Variants in ADGRL2 observed in about 807,000 individuals in gnomAD.
The protein encoded by ADGRL2 is adhesion G protein-coupled receptor L2, also known as calcium-independent alpha-latrotoxin receptor 2.
ADGRL2 carries 44 observed loss-of-function variants against 157.4 expected under a neutral mutation model. The observed-to-expected ratio is 0.28, with a 90% confidence interval of 0.22 to 0.36. The LOEUF (loss-of-function observed/expected upper bound fraction) is 0.36, where lower values mean the gene tolerates loss of function less well. Ranked by LOEUF, ADGRL2 falls within the 10% of genes least tolerant of loss-of-function variation. The pLI is 1.00. For synonymous variants in ADGRL2, 585 were observed against 624.7 expected (o/e 0.94, Z 0.95); for missense variants, 1,510 against 1,768.9 (o/e 0.85, Z 2.63).
At chr1:81,879,459 CT>C (rs1388933780) in intron 2 of ADGRL2, among the ~76,000 whole-genome samples, 2 of 150,684 alleles carry the variant, frequency 1.3e-5, no homozygotes, top group Non-Finnish European at 2.9e-5. Context: ...CTCTTAAGCC[CT>C]TTTTTTAAAG....
At chr1:81,880,197 G>C (rs1373938630) in intron 2 of ADGRL2, among the ~76,000 whole-genome samples, 2 of 152,070 alleles carry the variant, frequency 1.3e-5, no homozygotes, top group African/African-American at 2.4e-5. Flanking sequence ...ATTCCTATAA[G>C]AGCCCTTATT....
intron 2 of ADGRL2, among the ~76,000 whole-genome samples, chr1:81,455,829 C>T (rs755449155): frequency 3.9e-5 from 6 of 152,018 alleles, no homozygotes; most frequent in Non-Finnish European, 8.8e-5. Context: ...TTTAGAAAGA[C>T]TGGAAATAGG....
intron 2 of ADGRL2, among the ~76,000 whole-genome samples, chr1:81,550,480 T>C (rs1328208074): frequency 6.6e-6 from 1 of 152,156 alleles, no homozygotes; most frequent in African/African-American, 2.4e-5. Context: ...GGAAAAATTC[T>C]GTTACAAGCC....
chr1:81,921,389 T>C (rs1384038952), intron 3 of ADGRL2, among the ~76,000 whole-genome samples: 1 of 152,188 alleles, frequency 6.6e-6, no homozygotes, highest in East Asian at 1.9e-4. Context: ...TTAAAATTGC[T>C]TAATAGATTT....
chr1:81,545,006 C>A (rs1016030787), intron 2 of ADGRL2, among the ~76,000 whole-genome samples: 1 of 152,148 alleles, frequency 6.6e-6, no homozygotes, highest in African/African-American at 2.4e-5. Flanking sequence ...ACGACAAAGA[C>A]CCAGGTCACG....
At chr1:81,899,303 G>T (rs1214777145) in intron 2 of ADGRL2, among the ~76,000 whole-genome samples, 1 of 152,116 alleles carries the variant, frequency 6.6e-6, no homozygotes, top group African/African-American at 2.4e-5. Context: ...TATAAGTGAT[G>T]CCAAATTTAA....
At chr1:81,964,307 G>T (rs774645217) in intron 11 of ADGRL2, among the ~76,000 whole-genome samples, 12 of 152,004 alleles carry the variant, frequency 7.9e-5, no homozygotes, top group Non-Finnish European at 1.8e-4. Context: ...ATCCTGTCTT[G>T]TTTTAAGATA....
intron 2 of ADGRL2, among the ~76,000 whole-genome samples, chr1:81,845,060 A>G (rs1246365246): frequency 6.6e-6 from 1 of 152,128 alleles, no homozygotes; most frequent in African/African-American, 2.4e-5. Context: ...CACATACTTC[A>G]TATGGATAAA....
chr1:81,508,817 G>A (rs1032687217), intron 2 of ADGRL2, among the ~76,000 whole-genome samples: 26 of 152,268 alleles, frequency 1.7e-4, no homozygotes, highest in Non-Finnish European at 2.9e-4. Context: ...ATGTGCCCCT[G>A]ACATAACCTT....
At chr1:81,527,893 C>G (rs1424420139) in intron 2 of ADGRL2, among the ~76,000 whole-genome samples, 3 of 151,858 alleles carry the variant, frequency 2.0e-5, no homozygotes, top group African/African-American at 7.3e-5. Context: ...CGGTGAAACC[C>G]CGTCTCTACT....
intron 2 of ADGRL2, among the ~76,000 whole-genome samples, chr1:81,861,763 C>T (rs1422204883): frequency 6.6e-6 from 1 of 151,948 alleles, no homozygotes; most frequent in Non-Finnish European, 1.5e-5. Context: ...GTGGCGCTTG[C>T]CTGTTATCCC....
intron 2 of ADGRL2, among the ~76,000 whole-genome samples, chr1:81,466,466 A>G (rs2078055251): frequency 1.3e-5 from 2 of 152,168 alleles, no homozygotes; most frequent in African/African-American, 2.4e-5. Context: ...TGCCCTGCAC[A>G]TATCCATCAG....
At position 81,722,401 on chromosome 1, in the gene ADGRL2, C is replaced by T. The variant is rs536387875; in HGVS notation, c.-143+22593C>T. On this transcript the variant is annotated intron_variant, in intron 1 of 20. Transcript: ENST00000359929. ...ATGGTGAACTGCAGAAAGCCATTGA[C>T]TTATTCACAAATGCCATTAAGCTGA... 387 of 857,806 alleles carry T rather than the reference C, an allele frequency of 4.5e-4. No homozygotes were observed. In the African/African-American group the frequency reaches 5.4e-3, roughly 12 times the overall value. 53.1% of individuals were successfully genotyped at this position (857,806 alleles called of 1,614,324 possible).
At chr1:81,782,276 TC>T (rs913249336) in intron 2 of ADGRL2, among the ~76,000 whole-genome samples, 2 of 152,138 alleles carry the variant, frequency 1.3e-5, no homozygotes, top group Non-Finnish European at 1.5e-5. Flanking sequence ...GTTTCCTTCT[TC>T]TTATTGAATT....
At chr1:81,657,984 T>A (rs1180856764) in intron 3 of ADGRL2, among the ~76,000 whole-genome samples, 1 of 152,236 alleles carries the variant, frequency 6.6e-6, no homozygotes, top group Admixed American at 6.5e-5. Context: ...AAAAGGCTTA[T>A]GTGCACCTGG....
rs537033830 is a variant in ADGRL2, at chr1:81,682,987, G to A, written c.-142-78824G>A. Among the ~76,000 whole-genome samples the A allele has an allele frequency of 2.6e-5, 4 of 152,256 alleles. No individual in the cohort carries two copies. In the East Asian group the frequency reaches 5.8e-4, roughly 22 times the overall value. Reference sequence around the variant, plus strand: ...GTCTCTACTAAAAATACAAAGATTAGCTGGGCATGGTGGCAGGCACCTGTA... The same window carrying A: ...GTCTCTACTAAAAATACAAAGATTAACTGGGCATGGTGGCAGGCACCTGTA... On this transcript the variant is annotated intron_variant, in intron 3 of 24. Transcript: ENST00000370721.
intron 3 of ADGRL2, among the ~76,000 whole-genome samples, chr1:81,626,528 C>T (rs577432407): frequency 2.6e-5 from 4 of 152,350 alleles, no homozygotes; most frequent in South Asian, 2.1e-4. Flanking sequence ...CCCCCCTCGG[C>T]TTCCCAAAGT....
intron 10 of ADGRL2, among the ~76,000 whole-genome samples, chr1:81,954,698 G>A (rs941155651): frequency 6.6e-6 from 1 of 152,136 alleles, no homozygotes; most frequent in Admixed American, 6.5e-5. Context: ...AGCCTTTAAC[G>A]CCACTTGGAA....
intron 10 of ADGRL2, among the ~76,000 whole-genome samples, chr1:81,954,282 C>T (rs1276915417): frequency 3.3e-5 from 5 of 151,582 alleles, no homozygotes; most frequent in Non-Finnish European, 7.4e-5. Context: ...CATTTTGATC[C>T]CACTAGACGA....
Sources: gnomAD v4.1 joint callset for allele counts (sites outside exome capture counted in the v4.1 genomes callset) on GRCh38, gnomAD v4.1.1 for gene constraint, MANE v1.5 for transcripts, NCBI Gene and HGNC (gene_info 2026-07-23, HGNC 2026-07-21) for gene names.